The following SORCS1 variants were observed in gnomAD, a reference collection of about 807,000 sequenced individuals.
The protein encoded by SORCS1 is sortilin related VPS10 domain containing receptor 1.
Under a neutral mutation model 146.1 loss-of-function variants are expected in SORCS1, and 60 were observed. That is an observed-to-expected ratio of 0.41 (90% CI 0.33 to 0.51). The LOEUF (loss-of-function observed/expected upper bound fraction) is 0.51, where lower values mean the gene tolerates loss of function less well. Among genes scored for constraint, SORCS1 ranks in the 20% least tolerant of loss-of-function variants. The pLI is 0.21. For missense variants in SORCS1, 1,352 were observed against 1,487.6 expected, an observed-to-expected ratio of 0.91 and a Z score of 1.50; for synonymous variants, 637 against 584.0, an observed-to-expected ratio of 1.09 and a Z score of -1.31.
chr10:106,615,907 T>A (rs952472223), intron 21 of SORCS1, among the ~76,000 whole-genome samples: 1 of 152,176 alleles, frequency 6.6e-6, no homozygotes, highest in East Asian at 1.9e-4. Flanking sequence ...TCAGAATTCT[T>A]AGCTCGTTTA....
chr10:106,668,399 GACTA>G (rs1319779665), intron 16 of SORCS1, among the ~76,000 whole-genome samples: 2 of 152,218 alleles, frequency 1.3e-5, no homozygotes, highest in Non-Finnish European at 2.9e-5. Context: ...TGCCACTTGG[GACTA>G]ACTGTTTTAA....
chr10:107,082,364 T>A (rs925346598), intron 1 of SORCS1, among the ~76,000 whole-genome samples: 4 of 152,236 alleles, frequency 2.6e-5, no homozygotes, highest in Non-Finnish European at 5.9e-5. Context: ...TATTGGTGTT[T>A]ATACTACTTA....
At chr10:106,742,531 C>T (rs1219029529) in intron 5 of SORCS1, among the ~76,000 whole-genome samples, 1 of 152,144 alleles carries the variant, frequency 6.6e-6, no homozygotes, top group Admixed American at 6.5e-5. Flanking sequence ...AGGCGCATGC[C>T]ACCACACCCG....
intron 22 of SORCS1, among the ~76,000 whole-genome samples, chr10:106,608,366 A>C (rs2133390971): frequency 6.6e-6 from 1 of 152,226 alleles, no homozygotes; most frequent in African/African-American, 2.4e-5. Flanking sequence ...TTTGCTATTT[A>C]TCCTTCATGA....
chr10:106,886,463 A>T (rs897030792), intron 2 of SORCS1, among the ~76,000 whole-genome samples: 11 of 151,810 alleles, frequency 7.2e-5, no homozygotes, highest in Non-Finnish European at 1.6e-4. Flanking sequence ...ACACACACAC[A>T]CTCTCTGTTA....
At chr10:106,681,077 A>G (rs909611372) in intron 10 of SORCS1, among the ~76,000 whole-genome samples, 3 of 152,228 alleles carry the variant, frequency 2.0e-5, no homozygotes, top group African/African-American at 7.2e-5. Flanking sequence ...TTTTGACTTT[A>G]TAATGTTCTA....
chr10:106,626,530 T>G (rs1229197616), intron 19 of SORCS1, among the ~76,000 whole-genome samples: 1 of 152,196 alleles, frequency 6.6e-6, no homozygotes, highest in African/African-American at 2.4e-5. Context: ...CATGACACCC[T>G]CCATCTTTAA....
chr10:106,984,653 A>G (rs1956388181), intron 1 of SORCS1, among the ~76,000 whole-genome samples: 1 of 151,882 alleles, frequency 6.6e-6, no homozygotes, highest in Non-Finnish European at 1.5e-5. Flanking sequence ...TGGGTCTCCC[A>G]AAGGGCTGGG....
At chr10:107,074,220 G>C (rs762204497) in intron 1 of SORCS1, among the ~76,000 whole-genome samples, 10 of 152,140 alleles carry the variant, frequency 6.6e-5, no homozygotes, top group Non-Finnish European at 1.5e-4. Context: ...CCAACACCGG[G>C]CAACCACTCA....
At chr10:107,105,965 A>G (rs147893739) in intron 1 of SORCS1, among the ~76,000 whole-genome samples, 14 of 152,308 alleles carry the variant, frequency 9.2e-5, no homozygotes, top group African/African-American at 3.1e-4. Context: ...AAGGGTGCAA[A>G]GAAGGGAGAG....
At chr10:106,863,602 T>G (rs1031465631) in intron 2 of SORCS1, among the ~76,000 whole-genome samples, 4 of 151,036 alleles carry the variant, frequency 2.6e-5, no homozygotes, top group African/African-American at 7.3e-5. Flanking sequence ...TTTTTTTTTT[T>G]GCCAAGATCC....
chr10:106,705,358 A>T (rs1854442804), intron 8 of SORCS1, among the ~76,000 whole-genome samples: 1 of 152,130 alleles, frequency 6.6e-6, no homozygotes, highest in Non-Finnish European at 1.5e-5. Flanking sequence ...CAAGAAAGAG[A>T]ATTCATCCTG....
chr10:106,650,974 C>A (rs926521873), intron 18 of SORCS1, among the ~76,000 whole-genome samples: 1 of 151,966 alleles, frequency 6.6e-6, no homozygotes, highest in Non-Finnish European at 1.5e-5. Context: ...GCAGAAACCT[C>A]CAGAGTTTAT....
chr10:106,809,370 C>T (rs1169123573), intron 3 of SORCS1, among the ~76,000 whole-genome samples: 1 of 152,100 alleles, frequency 6.6e-6, no homozygotes, highest in Non-Finnish European at 1.5e-5. Context: ...TGCTCTGCTG[C>T]CAGGCTGCCC....
At chr10:107,168,930 T>C (rs1970105562), upstream of SORCS1, among the ~76,000 whole-genome samples, 1 of 152,206 alleles carries the variant, frequency 6.6e-6, no homozygotes, top group African/African-American at 2.4e-5. Context: ...TTTTTAGTAA[T>C]GCTGAGCAAG....
At chr10:107,031,666 C>A (rs896227150) in intron 1 of SORCS1, among the ~76,000 whole-genome samples, 3 of 151,374 alleles carry the variant, frequency 2.0e-5, no homozygotes, top group African/African-American at 7.3e-5. Context: ...TGTAGTGACA[C>A]AATCATAGTG....
intron 19 of SORCS1, among the ~76,000 whole-genome samples, chr10:106,626,501 T>C (rs2133555261): frequency 6.6e-6 from 1 of 152,290 alleles, no homozygotes; most frequent in East Asian, 1.9e-4. Flanking sequence ...ATCATGGCAC[T>C]TTGGCATCCA....
chr10:106,864,156 G>T (rs1035565935), intron 2 of SORCS1, among the ~76,000 whole-genome samples: 5 of 152,156 alleles, frequency 3.3e-5, no homozygotes, highest in Non-Finnish European at 7.3e-5. Context: ...CTGTCATGGA[G>T]AAAAATGAAA....
chr10:106,939,012 G>A (rs1487219956), intron 2 of SORCS1, among the ~76,000 whole-genome samples: 1 of 152,248 alleles, frequency 6.6e-6, no homozygotes, highest in African/African-American at 2.4e-5. Context: ...CCCATGTAAT[G>A]TAGAAGGAAG....
Sources: gnomAD v4.1 joint callset for allele counts (sites outside exome capture counted in the v4.1 genomes callset) on GRCh38, gnomAD v4.1.1 for gene constraint, MANE v1.5 for transcripts, NCBI Gene and HGNC (gene_info 2026-07-23, HGNC 2026-07-21) for gene names.